The following KALRN variants were observed in gnomAD, a reference collection of about 807,000 sequenced individuals.
The protein encoded by KALRN is kalirin.
Under a neutral mutation model 353.7 loss-of-function variants are expected in KALRN, and 70 were observed. That is an observed-to-expected ratio of 0.20 (90% CI 0.16 to 0.24). The LOEUF is 0.24. Among genes scored for constraint, KALRN ranks in the 10% least tolerant of loss-of-function variants. KALRN has a pLI of 1.00. For missense variants in KALRN, 2,791 were observed against 3,756.7 expected (o/e 0.74, Z 6.72); for synonymous variants, 1,391 against 1,434.8 (o/e 0.97, Z 0.69).
intron 34 of KALRN, among the ~76,000 whole-genome samples, chr3:124,593,476 A>G (rs1033883963): frequency 1.3e-5 from 2 of 152,152 alleles, no homozygotes; most frequent in Non-Finnish European, 2.9e-5. Context: ...TGCACGCTCA[A>G]ATTTGAGGAC....
rs566870355 is a variant in KALRN at position 124,036,701 on chromosome 3, G to A, written c.73+2888G>A. 2.8e-4 allele frequency among the ~76,000 whole-genome samples: 42 copies of A among 152,238 alleles called. No homozygotes were observed. The South Asian group carries it at 8.7e-3, about 32-fold the overall frequency. ...TTCAAACAAATTTTCAAAGTCCCTAGCACCAGGGTTACCCCTTTCTTTCTG... is the reference window on the plus strand; with the variant it reads ...TTCAAACAAATTTTCAAAGTCCCTAACACCAGGGTTACCCCTTTCTTTCTG... On this transcript the variant is annotated intron_variant, in intron 1 of 59. Transcript: ENST00000682506.
intron 4 of KALRN, among the ~76,000 whole-genome samples, chr3:124,265,642 A>G (rs1459559142): frequency 3.9e-5 from 6 of 152,146 alleles, no homozygotes; most frequent in Non-Finnish European, 7.3e-5. Context: ...CAAGAAGGTA[A>G]AAAGCCAGGT....
intron 1 of KALRN, among the ~76,000 whole-genome samples, chr3:124,226,329 T>G (rs2078498207): frequency 6.6e-6 from 1 of 152,238 alleles, no homozygotes; most frequent in Non-Finnish European, 1.5e-5. Context: ...AGCATAAATA[T>G]CTGTAGAAAC....
intron 9 of KALRN, among the ~76,000 whole-genome samples, chr3:124,337,164 G>T (rs2081219971): frequency 6.6e-6 from 1 of 152,154 alleles, no homozygotes; most frequent in South Asian, 2.1e-4. Context: ...TCTCTTGCCT[G>T]ATTGCCCTGG....
At chr3:124,651,488 T>G (rs539964665) in intron 38 of KALRN, among the ~76,000 whole-genome samples, 31 of 152,170 alleles carry the variant, frequency 2.0e-4, no homozygotes, top group Non-Finnish European at 1.0e-4. Context: ...AAAATAAAAT[T>G]CATAATGCAG....
rs1487526596 is a variant in KALRN at position 124,398,704 on chromosome 3, G to C, written c.2179G>C (p.Ala727Pro). The change falls in exon 13 of 60, where the codon GCT becomes CCT. Residue 727 changes from alanine (A) to proline (P), a missense_variant. By Grantham distance (27) the Ala-to-Pro change is conservative. Transcript: ENST00000682506. ...LGEPSEARDSAVSNNKTPHSS... is the reference protein window; with the variant it reads ...LGEPSEARDSPVSNNKTPHSS... ...CTCCCCACTCTGCCACAGGGACTCG[G>C]CTGTGTCCAACAACAAAACACCCCA... The C allele has an allele frequency of 6.2e-7, 1 of 1,614,030 alleles. No individual in the cohort carries two copies. The highest frequency in any genetic ancestry group is 1.3e-5 in the African/African-American group (1 of 75,002).
chr3:124,637,582 A>T (rs978065799), intron 37 of KALRN, among the ~76,000 whole-genome samples: 1 of 152,220 alleles, frequency 6.6e-6, no homozygotes, highest in African/African-American at 2.4e-5. Flanking sequence ...CCAGCGGCCC[A>T]CAGGCAAGTG....
intron 34 of KALRN, among the ~76,000 whole-genome samples, chr3:124,624,044 A>T (rs1432549032): frequency 6.6e-6 from 1 of 152,242 alleles, no homozygotes; most frequent in African/African-American, 2.4e-5. Flanking sequence ...TAAATGAAAA[A>T]TTTCAGAAAT....
At chr3:124,524,085 G>T (rs1424347104) in intron 33 of KALRN, among the ~76,000 whole-genome samples, 1 of 152,176 alleles carries the variant, frequency 6.6e-6, no homozygotes, top group African/African-American at 2.4e-5. Context: ...TATCCTCAAA[G>T]AACATGGCAT....
intron 34 of KALRN, among the ~76,000 whole-genome samples, chr3:124,608,712 CT>C (rs2077619698): frequency 6.6e-6 from 1 of 152,184 alleles, no homozygotes; most frequent in Non-Finnish European, 1.5e-5. Context: ...TAAAAGTCTG[CT>C]TAGAACACAT....
chr3:124,279,512 A>G lies in KALRN; in HGVS notation c.969+10257A>G, dbSNP rs558257036. Among the ~76,000 whole-genome samples, 96 of 152,272 alleles carry G rather than the reference A, an allele frequency of 6.3e-4. 1 individual carries two copies. The highest frequency in any genetic ancestry group is 6.3e-3 in the Admixed American group (96 of 15,306). Reference sequence around the variant, plus strand: ...GCCCCATCCACAACAAAGATGCCAGAGTGGAAAGTAGGCAGCCTGTGGCAG... The same window carrying G: ...GCCCCATCCACAACAAAGATGCCAGGGTGGAAAGTAGGCAGCCTGTGGCAG... On this transcript the variant is annotated intron_variant, in intron 5 of 59. Transcript: ENST00000682506.
rs185016547 is a variant in KALRN, at chr3:124,524,191, A to G, written c.4935+27778A>G. Reference sequence around the variant, plus strand: ...CCCACGCAAGCTGCTCCCCATTTTCATTCTCTGTACTCTATGCTCAAAGAA... The same window carrying G: ...CCCACGCAAGCTGCTCCCCATTTTCGTTCTCTGTACTCTATGCTCAAAGAA... On this transcript the variant is annotated intron_variant, in intron 33 of 59. Transcript: ENST00000682506. 7.2e-5 allele frequency among the ~76,000 whole-genome samples: 11 copies of G among 152,254 alleles called. No homozygotes were observed. In the East Asian group the frequency reaches 9.6e-4, roughly 13 times the overall value.
rs553896713 is a variant in KALRN, at chr3:124,171,422, T to C, written c.74-56568T>C. Among the ~76,000 whole-genome samples, 7 of 152,328 alleles carry C rather than the reference T, an allele frequency of 4.6e-5. No individual in the cohort carries two copies. The South Asian group carries it at 1.5e-3, about 32-fold the overall frequency. On this transcript the variant is annotated intron_variant, in intron 1 of 59. Coordinates refer to ENST00000682506, the MANE Select transcript of KALRN (RefSeq NM_001388419.1). ...TCTCTGTTCATCTTTTTGTGATATC[T>C]TATCCACTAGAAGACCAGACTGAGT...
At chr3:124,646,406 T>C (rs1473417652) in intron 37 of KALRN, among the ~76,000 whole-genome samples, 1 of 149,150 alleles carries the variant, frequency 6.7e-6, no homozygotes, top group Non-Finnish European at 1.5e-5. Flanking sequence ...TTTTTTTTTT[T>C]TTGAGACAGA....
chr3:124,152,786 T>G (rs1020589435), intron 1 of KALRN: 25 of 316,242 alleles, frequency 7.9e-5, no homozygotes, highest in African/African-American at 4.9e-4. Context: ...TTTGTTTGTT[T>G]GTTTGTTTTT....
chr3:124,463,323 A>G (rs2060027799), intron 25 of KALRN, among the ~76,000 whole-genome samples: 1 of 152,238 alleles, frequency 6.6e-6, no homozygotes, highest in South Asian at 2.1e-4. Context: ...GAACATGGGC[A>G]TAAAGTCTTA....
In KALRN at chr3:124,566,449, G is replaced by T. The variant is rs556822703; in HGVS notation, c.5182+3360G>T. ...GACCCTGGGAGGCTGAGGCTGCAGTGAGCCATGATCATACCACTGTGCTCC... is the reference window on the plus strand; with the variant it reads ...GACCCTGGGAGGCTGAGGCTGCAGTTAGCCATGATCATACCACTGTGCTCC... On this transcript the variant is annotated intron_variant, in intron 34 of 59. Transcript: ENST00000682506. Among the ~76,000 whole-genome samples, 9 of 151,656 alleles carry T rather than the reference G, an allele frequency of 5.9e-5. No homozygotes were observed. The East Asian group carries it at 1.7e-3, about 29-fold the overall frequency.
At position 124,655,608 on chromosome 3, in the gene KALRN, C is replaced by T. The variant is rs1368190526; in HGVS notation, c.5803C>T (p.Leu1935=). 2 of 1,613,436 alleles carry T rather than the reference C, an allele frequency of 1.2e-6. No individual in the cohort carries two copies. Among genetic ancestry groups the T allele is most frequent in the South Asian group, 2.2e-5 (2 of 91,068 alleles). The change falls in exon 39 of 60, where the codon CTG becomes TTG. Residue 1935 remains leucine (L), a synonymous_variant. Transcript: ENST00000682506. The part of the protein sequence containing the change: ...AKALRGRMFV[L]NELVQTEKDY... ...TCTTAATCTCCTGCTCAGGTTTGTC[C>T]TGAATGAGCTGGTACAGACAGAGAA...
Position 124,717,464 on chromosome 3 carries a change from A to G in KALRN, c.8415+79A>G, listed in dbSNP as rs1579095473. 6.1e-6 allele frequency: 6 copies of G among 975,958 alleles called. No individual in the cohort carries two copies. In the East Asian group the frequency reaches 1.6e-4, roughly 26 times the overall value. The allele number at this position is 975,958 out of a possible 1,614,324, so 60.5% of individuals were successfully genotyped here. On this transcript the variant is annotated intron_variant, in intron 59 of 59. Transcript: ENST00000682506. ...CACTTTGGGAGGCCAAGGTGGGCGG[A>G]TCACAAGGTCAGGAGATCGAGACCA...
Sources: allele counts gnomAD v4.1 joint callset (sites outside exome capture counted in the v4.1 genomes callset), GRCh38; gene constraint gnomAD v4.1.1; transcripts MANE v1.5; gene names NCBI Gene and HGNC (gene_info 2026-07-23, HGNC 2026-07-21).